Variants in PRG2 observed in about 807,000 individuals in gnomAD.
PRG2 encodes the protein bone marrow proteoglycan.
A neutral mutation model predicts 24.7 loss-of-function variants in PRG2; 23 were observed. The observed-to-expected ratio is 0.93, with a 90% CI of 0.67 to 1.32. The LOEUF (loss-of-function observed/expected upper bound fraction) is 1.32. Ranked by LOEUF, PRG2 falls within the 40% of genes most tolerant of loss-of-function variation. The pLI, the probability that PRG2 is intolerant of heterozygous loss-of-function variation, is 0.00. For synonymous variants in PRG2, 104 were observed against 99.8 expected (o/e 1.04, Z -0.25); for missense variants, 271 against 280.9 (o/e 0.96, Z 0.25).
rs2134473954 is a variant in PRG2, at chr11:57,389,142, T to A, written c.234A>T (p.Ser78=). 6.2e-7 allele frequency: 1 copy of A among 1,614,194 alleles called. No individual in the cohort carries two copies. Among genetic ancestry groups the A allele is most frequent in the Non-Finnish European group, 8.5e-7 (1 of 1,180,010 alleles). The change falls in exon 3 of 6, where the codon TCA becomes TCT. Residue 78 remains serine (S), a synonymous_variant. Coordinates refer to ENST00000311862, the MANE Select transcript of PRG2 (RefSeq NM_002728.6). ...GGTTTTTGTCCACCATATCTGGCAC[T>A]GAGATAGACTCAACAGCCCCATCTT... ...SKKDGAVESI[S]VPDMVDKNLT... is the part of the protein sequence containing the mutation.
intron 4 of PRG2, among the ~76,000 whole-genome samples, 199 bp from the exon 5 acceptor site, chr11:57,388,064 C>A (rs560040518): frequency 2.6e-5 from 4 of 152,374 alleles, no homozygotes; most frequent in African/African-American, 9.6e-5. Context: ...ATCCCAGTGA[C>A]AGGCTTGTCC....
In PRG2 at chr11:57,389,059, G is replaced by A. The variant is rs761478216; in HGVS notation, c.317C>T (p.Thr106Ile). The A allele has an allele frequency of 7.4e-6, 12 of 1,614,050 alleles. No homozygotes were observed. The highest frequency in any genetic ancestry group is 3.3e-5 in the Admixed American group (2 of 60,010). ...ACTTCTCACCAGGAGGTAGCGGCAGGTCTGGCACCCAGGGATGCCCACCAC... is the reference window on the plus strand; with the variant it reads ...ACTTCTCACCAGGAGGTAGCGGCAGATCTGGCACCCAGGGATGCCCACCAC... ...VKVVGIPGCQ[T>I]CRYLLVRSLQ... Residue 106 changes from threonine to isoleucine, a missense_variant, in exon 3 of 6, where the codon ACC becomes ATC. By Grantham distance (89) the Thr-to-Ile change is moderately conservative. Transcript: ENST00000311862.
rs1857124312 is a variant in PRG2, at chr11:57,389,879, A to T, written c.58+8T>A. The T allele has an allele frequency of 6.2e-7, 1 of 1,604,386 alleles. No homozygotes were observed. Among genetic ancestry groups the T allele is most frequent in the East Asian group, 2.2e-5 (1 of 44,840 alleles). On this transcript the variant is annotated splice_region_variant and intron_variant, in intron 2 of 5. Transcript: ENST00000311862. ...GAGAAAGAAAGACTGAAGGCAAAAAACACTTACTTAGATGAAGAGCAGAAA... is the reference window on the plus strand; with the variant it reads ...GAGAAAGAAAGACTGAAGGCAAAAATCACTTACTTAGATGAAGAGCAGAAA...
Position 57,388,062 on chromosome 11 carries a change from G to A in PRG2, c.499-197C>T, listed in dbSNP as rs183453786. ...ACCATCAGATTCTATGCATCCCAGT[G>A]ACAGGCTTGTCCTTCCAGCCCTAAC... On this transcript the variant is annotated intron_variant, in intron 4 of 5. Coordinates refer to ENST00000311862, the MANE Select transcript of PRG2 (RefSeq NM_002728.6). Among the ~76,000 whole-genome samples the A allele has an allele frequency of 3.1e-3, 465 of 152,358 alleles. 1 individual carries two copies. Among genetic ancestry groups the A allele is most frequent in the Middle Eastern group, 6.8e-3 (2 of 294 alleles).
chr11:57,387,712 T>C, intron 5 of PRG2, 42 bp downstream of exon 5: 1 of 1,486,534 alleles, frequency 6.7e-7, no homozygotes, highest in South Asian at 1.3e-5. Flanking sequence ...GCACTTCCCA[T>C]CTCCCAGACC....
chr11:57,387,163 T>C lies in PRG2; in HGVS notation c.*312A>G. 1 of 265,658 alleles carries C rather than the reference T, an allele frequency of 3.8e-6. No homozygotes were observed. Among genetic ancestry groups the C allele is most frequent in the African/African-American group, 2.2e-5 (1 of 44,706 alleles). 16.5% of individuals were successfully genotyped at this position (265,658 alleles called of 1,614,324 possible). A position where few individuals can be genotyped will look rare whatever the true frequency, so the allele number is the denominator to read the frequency against. On this transcript the variant is annotated 3_prime_UTR_variant, in exon 6 of 6. Transcript: ENST00000311862. ...TATGCAGGTGCCCAGTAATCAGGTG[T>C]TCTATGAAGAGAACTAGCTGAGCCC...
rs756219414 is a variant in PRG2, at chr11:57,389,081, C to G, written c.295G>C (p.Val99Leu). ...CPEEEDTVKV[V>L]GIPGCQTCRY... ...CAGGTCTGGCACCCAGGGATGCCCA[C>G]CACTTTTACTGTGTCCTCTTCCTCA... Residue 99 changes from valine to leucine, a missense_variant, in exon 3 of 6, where the codon GTG becomes CTG. Physicochemically the swap from Val to Leu is conservative, Grantham distance 32. Transcript: ENST00000311862. 6 of 1,614,184 alleles carry G rather than the reference C, an allele frequency of 3.7e-6. No homozygotes were observed. The highest frequency in any genetic ancestry group is 5.1e-6 in the Non-Finnish European group (6 of 1,180,030).
intron 2 of PRG2, among the ~76,000 whole-genome samples, chr11:57,389,586 C>T (rs1166672997): frequency 3.3e-5 from 5 of 152,154 alleles, no homozygotes; most frequent in African/African-American, 4.8e-5. Flanking sequence ...GTATACAATA[C>T]CACCTACTTC....
At chr11:57,389,767 C>A in intron 2 of PRG2, 120 bp downstream of exon 2, 1 of 920,002 alleles carries the variant, frequency 1.1e-6, no homozygotes. Flanking sequence ...TCCCTTTAAG[C>A]ACACAGAAAT....
chr11:57,389,749 A>C, intron 2 of PRG2, 138 bp downstream of exon 2: 1 of 752,540 alleles, frequency 1.3e-6, no homozygotes, highest in Non-Finnish European at 2.1e-6. Flanking sequence ...CTGGCCATAG[A>C]GTCCCCATCC....
chr11:57,388,975 T>C (rs1413970453), intron 3 of PRG2, 35 bp downstream of exon 3: 1 of 1,598,578 alleles, frequency 6.3e-7, no homozygotes, highest in African/African-American at 1.3e-5. Flanking sequence ...ACCCGTTCCA[T>C]GCTCCCACCT....
chr11:57,389,394 C>A, intron 2 of PRG2, 77 bp from the exon 3 acceptor site: 1 of 1,470,710 alleles, frequency 6.8e-7, no homozygotes, highest in East Asian at 2.3e-5. Context: ...CAGCTCACAC[C>A]TTGCCCTGGG....
intron 2 of PRG2, 24 bp downstream of exon 2, chr11:57,389,863 A>G (rs1857123969): frequency 1.3e-6 from 2 of 1,584,062 alleles, no homozygotes; most frequent in Non-Finnish European, 8.7e-7. Context: ...AGAGAAAGAA[A>G]GACTGAAGGC....
At chr11:57,387,997 C>T in intron 4 of PRG2, 132 bp from the exon 5 acceptor site, 1 of 612,266 alleles carries the variant, frequency 1.6e-6, no homozygotes, top group East Asian at 2.9e-5. Context: ...ATGATGGGAA[C>T]TGTCCTAGTC....
Position 57,389,924 on chromosome 11 carries a change from C to T in PRG2, c.21G>A (p.Leu7=). Residue 7 remains leucine (L), a synonymous_variant, in exon 2 of 6, where the codon CTG becomes CTA. Coordinates refer to ENST00000311862, the MANE Select transcript of PRG2 (RefSeq NM_002728.6). ...CAGAAACTGCCCCAAATAGAAGAGCCAGAAGTAAGGGGAGTTTCATCTTGG... is the reference window on the plus strand; with the variant it reads ...CAGAAACTGCCCCAAATAGAAGAGCTAGAAGTAAGGGGAGTTTCATCTTGG... The part of the protein sequence containing the change: MKLPLL[L]ALLFGAVSAL... The T allele has an allele frequency of 6.2e-7, 1 of 1,612,868 alleles. No homozygotes were observed. Among genetic ancestry groups the T allele is most frequent in the Non-Finnish European group, 8.5e-7 (1 of 1,179,452 alleles).
In PRG2 at chr11:57,387,542, G is replaced by A. The variant is rs745529951; in HGVS notation, c.611-9C>T. 3 of 1,612,232 alleles carry A rather than the reference G, an allele frequency of 1.9e-6. No homozygotes were observed. The highest frequency in any genetic ancestry group is 2.5e-6 in the Non-Finnish European group (3 of 1,178,618). On this transcript the variant is annotated splice_polypyrimidine_tract_variant and intron_variant, in intron 5 of 5. Coordinates refer to ENST00000311862, the MANE Select transcript of PRG2 (RefSeq NM_002728.6). The stretch of plus-strand genomic sequence containing the variant: ...TCGACGCCAGTGGCCTCCTGTGAAG[G>A]CAGAACAGAAAGGGACTTTCAGCCT...
Position 57,387,774 on chromosome 11 carries a change from C to T in PRG2, c.590G>A (p.Cys197Tyr). 6.3e-7 allele frequency: 1 copy of T among 1,588,914 alleles called. No homozygotes were observed. The highest frequency in any genetic ancestry group is 1.3e-5 in the African/African-American group (1 of 74,834). Residue 197 changes from cysteine (C) to tyrosine (Y), a missense_variant, in exon 5 of 6, where the codon TGC (cysteine) becomes TAC (tyrosine). Coordinates refer to ENST00000311862, the MANE Select transcript of PRG2 (RefSeq NM_002728.6). ...CTCACCTCGGGTACACAGGGCCACGCAGTGACCACCGCGGGACCAGGGCTG... is the reference window on the plus strand; with the variant it reads ...CTCACCTCGGGTACACAGGGCCACGTAGTGACCACCGCGGGACCAGGGCTG... ...AHQPWSRGGH[C>Y]VALCTRGGHW...
rs779534250 is a variant in PRG2 at position 57,387,884 on chromosome 11, G to C, written c.499-19C>G. 1.3e-6 allele frequency: 2 copies of C among 1,534,670 alleles called. No homozygotes were observed. Among genetic ancestry groups the C allele is most frequent in the South Asian group, 2.4e-5 (2 of 81,724 alleles). Reference sequence around the variant, plus strand: ...AGCGACCCTGGAGAAAGCAAGAGGGGAAGAAGGGATGGGGCAGAGGGAAGG... The same window carrying C: ...AGCGACCCTGGAGAAAGCAAGAGGGCAAGAAGGGATGGGGCAGAGGGAAGG... On this transcript the variant is annotated intron_variant, in intron 4 of 5. Transcript: ENST00000311862.
intron 3 of PRG2, 115 bp from the exon 4 acceptor site, chr11:57,388,823 G>A: frequency 1.3e-6 from 2 of 1,489,722 alleles, no homozygotes; most frequent in South Asian, 1.3e-5. Flanking sequence ...TTTGAAGGTT[G>A]GAGACCAAAA....
Sources: gnomAD v4.1 joint callset for allele counts (sites outside exome capture counted in the v4.1 genomes callset) on GRCh38, gnomAD v4.1.1 for gene constraint, MANE v1.5 for transcripts, NCBI Gene and HGNC (gene_info 2026-07-23, HGNC 2026-07-21) for gene names.